Variants in ATP1A2 observed in about 807,000 individuals in gnomAD.
ATP1A2 encodes ATPase Na+/K+ transporting subunit alpha 2.
ATP1A2 carries 56 observed loss-of-function variants against 113.1 expected under a neutral mutation model. That is an observed-to-expected ratio of 0.49 (90% confidence interval 0.40 to 0.62). ATP1A2 has a LOEUF of 0.62. Ranked by LOEUF, ATP1A2 falls within the 20% of genes least tolerant of loss-of-function variation. ATP1A2 has a pLI of 0.00. For synonymous variants in ATP1A2, 490 were observed against 526.8 expected (o/e 0.93, Z 0.96); for missense variants, 712 against 1,357.8 (o/e 0.52, Z 7.47).
rs529898402 is a variant in ATP1A2, at chr1:160,137,116, C to G, written c.2840+85C>G. On this transcript the variant is annotated intron_variant, in intron 20 of 22. Coordinates refer to ENST00000361216, the MANE Select transcript of ATP1A2 (RefSeq NM_000702.4). ...CACAGGCCAAGCTTCCAACTCAGCCCTGGACCAGAGCTGTAAGGAGGGCAT... is the reference window on the plus strand; with the variant it reads ...CACAGGCCAAGCTTCCAACTCAGCCGTGGACCAGAGCTGTAAGGAGGGCAT... 3 of 1,606,900 alleles carry G rather than the reference C, an allele frequency of 1.9e-6. No homozygotes were observed. The East Asian group carries it at 6.7e-5, about 36-fold the overall frequency.
At chr1:160,128,483 G>T (rs1197746709) in intron 8 of ATP1A2, 169 bp from the exon 9 acceptor site, 2 of 1,533,268 alleles carry the variant, frequency 1.3e-6, no homozygotes, top group Non-Finnish European at 1.7e-6. Context: ...AGATACTCAT[G>T]ATCTCAACAC....
rs560734580 is a variant in ATP1A2 at position 160,118,082 on chromosome 1, G to A, written c.12+2209G>A. 3.0e-3 allele frequency among the ~76,000 whole-genome samples: 454 copies of A among 152,282 alleles called. 2 individuals are homozygous for A. Among genetic ancestry groups the A allele is most frequent in the Middle Eastern group, 0.027 (8 of 294 alleles). ...TTGCCAGGACAGGAGGAGGGGGAAG[G>A]GGCAGTGTGTCTCAAGCTCTAAGCC... is the stretch of plus-strand genomic sequence containing the variant. On this transcript the variant is annotated intron_variant, in intron 1 of 22. Transcript: ENST00000361216.
intron 10 of ATP1A2, 68 bp from the exon 11 acceptor site, chr1:160,129,198 C>A (rs1057322889): frequency 1.1e-5 from 17 of 1,611,892 alleles, no homozygotes; most frequent in African/African-American, 5.3e-5. Flanking sequence ...GGTTTCAGTG[C>A]CGCCTTCACC....
Position 160,124,332 on chromosome 1 carries a change from A to G in ATP1A2, c.532A>G (p.Ile178Val). 3.1e-6 allele frequency: 5 copies of G among 1,611,444 alleles called. No homozygotes were observed. The highest frequency in any genetic ancestry group is 4.2e-6 in the Non-Finnish European group (5 of 1,178,902). ...GATCCGGGAGGGAGAGAAGATGCAG[A>G]TCAACGCAGAGGAAGTGGTGGTGGG... is the stretch of plus-strand genomic sequence containing the variant. Reference protein sequence around the residue: ...LVIREGEKMQINAEEVVVGDL... With the variant: ...LVIREGEKMQVNAEEVVVGDL... Residue 178 changes from isoleucine (I) to valine (V), a missense_variant, in exon 6 of 23, where the codon ATC becomes GTC. Physicochemically the swap from Ile to Val is conservative, Grantham distance 29. Transcript: ENST00000361216.
intron 13 of ATP1A2, among the ~76,000 whole-genome samples, chr1:160,131,840 A>G (rs1651785454): frequency 6.6e-6 from 1 of 152,110 alleles, no homozygotes; most frequent in Non-Finnish European, 1.5e-5. Context: ...TCAAAAAAAA[A>G]AAAAAAGTAA....
At chr1:160,129,669 C>A (rs892262411) in intron 11 of ATP1A2, among the ~76,000 whole-genome samples, 3 of 152,214 alleles carry the variant, frequency 2.0e-5, no homozygotes, top group African/African-American at 7.2e-5. Context: ...AGCCTTCCAA[C>A]TCTTCTACCC....
chr1:160,127,214 A>G (rs574819303), intron 7 of ATP1A2, among the ~76,000 whole-genome samples: 36 of 152,360 alleles, frequency 2.4e-4, no homozygotes, highest in African/African-American at 8.4e-4. Flanking sequence ...TGTTCATAAT[A>G]TACTTTTGGA....
chr1:160,123,216 C>G lies in ATP1A2; in HGVS notation c.181C>G (p.Leu61Val). Residue 61 changes from leucine to valine, a missense_variant, in exon 4 of 23, where the codon CTC becomes GTC. Transcript: ENST00000361216. ...RKYQVDLSKG[L>V]TNQRAQDVLA... ...ACGCCTCTCCTTGCTCCCTCAGGGCCTCACCAACCAGCGGGCTCAGGACGT... is the reference window on the plus strand; with the variant it reads ...ACGCCTCTCCTTGCTCCCTCAGGGCGTCACCAACCAGCGGGCTCAGGACGT... 1 of 1,614,182 alleles carries G rather than the reference C, an allele frequency of 6.2e-7. No individual in the cohort carries two copies. The highest frequency in any genetic ancestry group is 1.1e-5 in the South Asian group (1 of 91,086).
Position 160,129,080 on chromosome 1 carries a change from C to T in ATP1A2, c.1317C>T (p.Ser439=), listed in dbSNP as rs759939624. 6.1e-5 allele frequency: 98 copies of T among 1,613,674 alleles called. No homozygotes were observed. The highest frequency in any genetic ancestry group is 7.8e-5 in the Non-Finnish European group (92 of 1,179,868). ...TCAAGGCAGGACAGGAGAACATCTCCGTGTCTAAGGTAGGGGGTCAGGACA... is the reference window on the plus strand; with the variant it reads ...TCAAGGCAGGACAGGAGAACATCTCTGTGTCTAAGGTAGGGGGTCAGGACA... ...AVFKAGQENI[S]VSKRDTAGDA... The change falls in exon 10 of 23, where the codon TCC becomes TCT. Residue 439 remains serine, a synonymous_variant. Coordinates refer to ENST00000361216, the MANE Select transcript of ATP1A2 (RefSeq NM_000702.4).
At chr1:160,131,402 A>G (rs957340094) in intron 13 of ATP1A2, among the ~76,000 whole-genome samples, 8 of 152,250 alleles carry the variant, frequency 5.3e-5, no homozygotes, top group African/African-American at 1.4e-4. Flanking sequence ...GTCATAGAGC[A>G]GGTACTTGAA....
chr1:160,125,436 C>T, intron 7 of ATP1A2, 183 bp downstream of exon 7: 1 of 618,262 alleles, frequency 1.6e-6, no homozygotes, highest in Non-Finnish European at 2.9e-6. Flanking sequence ...TGAGGGCAGC[C>T]TGACTCCATG....
In ATP1A2 at chr1:160,130,581, G is replaced by A. The variant is rs747238010; in HGVS notation, c.1811G>A (p.Arg604Gln). 6.8e-6 allele frequency: 11 copies of A among 1,614,030 alleles called. No homozygotes were observed. The highest frequency in any genetic ancestry group is 2.7e-5 in the African/African-American group (2 of 74,918). ...GTGCCAGATGCTGTGGGCAAGTGCC[G>A]AAGCGCAGGCATCAAGGTACTGGCC... ...AAVPDAVGKC[R>Q]SAGIKVIMVT... Residue 604 changes from arginine (R) to glutamine (Q), a missense_variant, in exon 13 of 23, where the codon CGA becomes CAA. Transcript: ENST00000361216.
At chr1:160,137,267 C>A in intron 20 of ATP1A2, 1 of 603,092 alleles carries the variant, frequency 1.7e-6, no homozygotes, top group Admixed American at 2.9e-5. Context: ...TCCTTCTCTC[C>A]CTCCCTTCTT....
intron 13 of ATP1A2, among the ~76,000 whole-genome samples, chr1:160,133,681 T>C (rs964493284): frequency 3.7e-4 from 56 of 152,034 alleles, no homozygotes; most frequent in African/African-American, 1.4e-3. Flanking sequence ...ACTAAGAACC[T>C]CATGTCCTAT....
rs1359434922 is a variant in ATP1A2 at position 160,135,778 on chromosome 1, G to C, written c.2285-61G>C. 1 of 1,613,442 alleles carries C rather than the reference G, an allele frequency of 6.2e-7. No individual in the cohort carries two copies. Among genetic ancestry groups the C allele is most frequent in the Non-Finnish European group, 8.5e-7 (1 of 1,179,478 alleles). On this transcript the variant is annotated intron_variant, in intron 16 of 22. Transcript: ENST00000361216. This position sits in a 1 kb window ranked among gnomAD's most constrained non-coding sequence, Gnocchi z 6.3. ...TGGGAAGACAGGCAGCCATGCTTCA[G>C]GGGCTGGGGGTGGGGAAGAGTCCCT...
Position 160,136,353 on chromosome 1 carries a change from T to C in ATP1A2, c.2546T>C (p.Met849Thr), listed in dbSNP as rs756728433. 20 of 1,613,984 alleles carry C rather than the reference T, an allele frequency of 1.2e-5. No individual in the cohort carries two copies. Among genetic ancestry groups the C allele is most frequent in the Non-Finnish European group, 1.6e-5 (19 of 1,180,024 alleles). Residue 849 changes from methionine (M) to threonine (T), a missense_variant, in exon 18 of 23, where the codon ATG becomes ACG. This residue lies in a region of ATP1A2 where 188 missense variants were observed against 438.9 expected (regional missense o/e 0.43). Coordinates refer to ENST00000361216, the MANE Select transcript of ATP1A2 (RefSeq NM_000702.4). ...DKLVNERLIS[M>T]AYGQIGMIQA... ...CTGGTGAATGAGAGGCTCATCAGCA[T>C]GGCCTACGGACAGATCGGTGCGCCA... is the stretch of plus-strand genomic sequence containing the variant.
intron 22 of ATP1A2, 127 bp downstream of exon 22, chr1:160,140,111 G>C: frequency 1.0e-6 from 1 of 973,846 alleles, no homozygotes; most frequent in Non-Finnish European, 1.6e-6. Context: ...CTCAGATCCT[G>C]GGGTCCCAGG....
intron 14 of ATP1A2, among the ~76,000 whole-genome samples, chr1:160,134,939 C>T (rs1651886895): frequency 6.6e-6 from 1 of 152,188 alleles, no homozygotes; most frequent in Non-Finnish European, 1.5e-5. Context: ...GCACTTACAA[C>T]TGCGATGATC....
At chr1:160,122,342 G>A (rs1651433190) in intron 3 of ATP1A2, among the ~76,000 whole-genome samples, 2 of 150,902 alleles carry the variant, frequency 1.3e-5, no homozygotes, top group South Asian at 4.2e-4. Context: ...GACTTTGTTG[G>A]TCTTGTCCAT....
Sources: gnomAD v4.1 joint callset for allele counts (sites outside exome capture counted in the v4.1 genomes callset) on GRCh38, gnomAD v4.1.1 for gene constraint, gnomAD v4.1.1 regional missense constraint, Gnocchi (gnomAD v3.1) non-coding constraint, MANE v1.5 for transcripts, NCBI Gene and HGNC (gene_info 2026-07-23, HGNC 2026-07-21) for gene names.